LAMC2: variants seen among roughly 807,000 people sequenced by gnomAD.
LAMC2 encodes the protein laminin subunit gamma-2.
LAMC2 carries 97 observed loss-of-function variants against 140.2 expected under a neutral mutation model. The observed-to-expected ratio is 0.69, with a 90% CI of 0.59 to 0.82. The LOEUF is 0.82. Among genes scored for constraint, LAMC2 ranks in the 40% least tolerant of loss-of-function variants. The pLI is 0.00. For missense variants in LAMC2, 1,402 were observed against 1,476.1 expected (o/e 0.95, Z 0.82); for synonymous variants, 513 against 540.2 (o/e 0.95, Z 0.70).
chr1:183,237,543 T>C (rs1477021286), intron 18 of LAMC2, 39 bp downstream of exon 18: 2 of 1,522,286 alleles, frequency 1.3e-6, no homozygotes, highest in Admixed American at 1.7e-5. Flanking sequence ...TAAAGATGTA[T>C]TGAATGCCCA....
chr1:183,253,253 T>G, the LAMC2 span, among the ~76,000 whole-genome samples: 1 of 148,038 alleles, frequency 6.8e-6, no homozygotes. Context: ...TATTTTATAA[T>G]TTATATATTA....
chr1:183,247,048 C>T (rs1331535810), downstream of LAMC2, among the ~76,000 whole-genome samples: 2 of 152,212 alleles, frequency 1.3e-5, no homozygotes, highest in Non-Finnish European at 2.9e-5. Flanking sequence ...TGGTGGCTCA[C>T]GCCTGTAATC....
At chr1:183,226,635 G>C in intron 8 of LAMC2, 63 bp from the exon 9 acceptor site, 1 of 1,372,698 alleles carries the variant, frequency 7.3e-7, no homozygotes, top group Non-Finnish European at 1.0e-6. Flanking sequence ...TCCCAAGAGA[G>C]ATCTGACTTG....
At chr1:183,206,343 A>G (rs964701085) in intron 1 of LAMC2, among the ~76,000 whole-genome samples, 10 of 152,178 alleles carry the variant, frequency 6.6e-5, no homozygotes, top group African/African-American at 2.2e-4. Context: ...TAGCAGGTCC[A>G]TTAGATGTAC....
intron 1 of LAMC2, among the ~76,000 whole-genome samples, chr1:183,191,990 G>A (rs939991197): frequency 6.6e-6 from 1 of 152,214 alleles, no homozygotes; most frequent in Admixed American, 6.5e-5. Flanking sequence ...CCCCAGATAG[G>A]TGATGTAATG....
At chr1:183,203,467 T>A (rs1202969612) in intron 1 of LAMC2, among the ~76,000 whole-genome samples, 1 of 152,154 alleles carries the variant, frequency 6.6e-6, no homozygotes, top group Non-Finnish European at 1.5e-5. Flanking sequence ...AGAAAAGTTG[T>A]TTCCTGCCCC....
intron 1 of LAMC2, among the ~76,000 whole-genome samples, chr1:183,193,851 A>G (rs545261892): frequency 0.41 from 61,686 of 151,834 alleles, 13,375 homozygotes; most frequent in East Asian, 0.63. Context: ...TCTCTTCTCA[A>G]AATGTTTGTT....
the LAMC2 span, among the ~76,000 whole-genome samples, chr1:183,253,713 T>C: frequency 1.3e-5 from 2 of 152,212 alleles, no homozygotes; most frequent in Non-Finnish European, 2.9e-5. Context: ...CTTTCAGCCC[T>C]CCACACTTGA....
At chr1:183,208,125 G>GGGAA in intron 2 of LAMC2, 56 bp downstream of exon 2, 1 of 1,450,640 alleles carries the variant, frequency 6.9e-7, no homozygotes, top group Non-Finnish European at 9.7e-7. Context: ...GGAGACAAGA[G>GGGAA]GGAAGGAAGG....
chr1:183,225,527 C>A (rs541928893), intron 7 of LAMC2, 81 bp from the exon 8 acceptor site: 1 of 986,596 alleles, frequency 1.0e-6, no homozygotes, highest in South Asian at 1.3e-5. Context: ...TAGCTGTTCC[C>A]GTATCCTCAG....
In LAMC2 at chr1:183,220,890, A is replaced by G. The variant is rs1322734019; in HGVS notation, c.569A>G (p.Tyr190Cys). 1.5e-5 allele frequency: 24 copies of G among 1,613,888 alleles called. No homozygotes were observed. Among genetic ancestry groups the G allele is most frequent in the Non-Finnish European group, 2.0e-5 (24 of 1,179,734 alleles). The change falls in exon 5 of 23, where the codon TAT (tyrosine) becomes TGT (cysteine). Residue 190 changes from tyrosine (Y) to cysteine (C), a missense_variant. This residue lies in a region of LAMC2 where 723 missense variants were observed against 783.3 expected (regional missense o/e 0.92). Transcript: ENST00000264144. Reference protein sequence around the residue: ...NPEGCTQCFCYGHSASCRSSA... With the variant: ...NPEGCTQCFCCGHSASCRSSA... The stretch of plus-strand genomic sequence containing the variant: ...GAGGGCTGTACCCAGTGTTTCTGCT[A>G]TGGGCATTCAGCCAGCTGCCGCAGC...
chr1:183,213,877 C>G (rs553418027), intron 2 of LAMC2, among the ~76,000 whole-genome samples: 1 of 151,930 alleles, frequency 6.6e-6, no homozygotes, highest in East Asian at 1.9e-4. Flanking sequence ...ACCAGCCTGG[C>G]CAACATGGAG....
chr1:183,232,067 C>G, intron 12 of LAMC2, 120 bp from the exon 13 acceptor site: 1 of 1,287,722 alleles, frequency 7.8e-7, no homozygotes, highest in Non-Finnish European at 1.1e-6. Flanking sequence ...AAAATTTTAA[C>G]CACCATGACA....
At chr1:183,225,768 A>G in intron 8 of LAMC2, 48 bp downstream of exon 8, 1 of 1,294,450 alleles carries the variant, frequency 7.7e-7, no homozygotes, top group Admixed American at 1.7e-5. Context: ...GTGTTAGTTT[A>G]ATTTGATTCA....
At chr1:183,186,515 T>A in intron 1 of LAMC2, 84 bp downstream of exon 1, 1 of 1,442,704 alleles carries the variant, frequency 6.9e-7, no homozygotes, top group Admixed American at 1.9e-5. Flanking sequence ...TGAACGTACC[T>A]CCGAGGATTC....
intron 2 of LAMC2, among the ~76,000 whole-genome samples, chr1:183,213,363 G>C (rs1659130446): frequency 6.6e-6 from 1 of 152,150 alleles, no homozygotes. Context: ...TCTTCATACA[G>C]GCACAGAACC....
intron 15 of LAMC2, among the ~76,000 whole-genome samples, chr1:183,234,859 A>T (rs1043510057): frequency 6.6e-6 from 1 of 151,084 alleles, no homozygotes; most frequent in African/African-American, 2.5e-5. Flanking sequence ...CAGAGGGGGA[A>T]CTTCCTCCTG....
At chr1:183,257,049 G>T in the LAMC2 span, among the ~76,000 whole-genome samples, 2 of 152,124 alleles carry the variant, frequency 1.3e-5, no homozygotes, top group Non-Finnish European at 2.9e-5. Context: ...ACTGTGCCTG[G>T]CCTCTTTGGT....
At chr1:183,202,919 A>T (rs1249554938) in intron 1 of LAMC2, among the ~76,000 whole-genome samples, 1 of 152,216 alleles carries the variant, frequency 6.6e-6, no homozygotes. Flanking sequence ...GGTTTTTTAA[A>T]GTTCAACAGA....
Sources: gnomAD v4.1 joint callset for allele counts (sites outside exome capture counted in the v4.1 genomes callset) on GRCh38, gnomAD v4.1.1 for gene constraint, gnomAD v4.1.1 regional missense constraint, MANE v1.5 for transcripts, NCBI Gene and HGNC (gene_info 2026-07-23, HGNC 2026-07-21) for gene names.